The following CFTR variants were observed in gnomAD, a reference collection of about 807,000 sequenced individuals.
CFTR encodes the protein cystic fibrosis transmembrane conductance regulator.
A neutral mutation model predicts 171.6 loss-of-function variants in CFTR; 181 were observed. The ratio of observed to expected loss-of-function variants is 1.05; its 90% CI spans 0.93 to 1.19. The LOEUF (loss-of-function observed/expected upper bound fraction) is 1.19, where lower values mean the gene tolerates loss of function less well. Among genes scored for constraint, CFTR ranks in the 50% most tolerant of loss-of-function variants. The pLI is 0.00. For missense variants in CFTR, 1,968 were observed against 1,734.7 expected (o/e 1.13, Z -2.39); for synonymous variants, 583 against 608.0 (o/e 0.96, Z 0.60).
At chr7:117,514,450 T>A (rs1488032501) in intron 3 of CFTR, among the ~76,000 whole-genome samples, 1 of 152,158 alleles carries the variant, frequency 6.6e-6, no homozygotes, top group Non-Finnish European at 1.5e-5. Flanking sequence ...AGGATGATAG[T>A]TTCCAGCTTC....
intron 23 of CFTR, among the ~76,000 whole-genome samples, chr7:117,643,701 T>C (rs898920266): frequency 2.0e-5 from 3 of 152,162 alleles, no homozygotes; most frequent in Admixed American, 6.6e-5. Flanking sequence ...CCCAAGGTGA[T>C]AGCATTAGGC....
intron 1 of CFTR, among the ~76,000 whole-genome samples, chr7:117,501,397 A>C (rs1227050717): frequency 6.6e-6 from 1 of 152,048 alleles, no homozygotes; most frequent in Non-Finnish European, 1.5e-5. Flanking sequence ...ATTATTAAAA[A>C]TTAAATTATT....
chr7:117,565,242 A>T (rs1791580766), intron 11 of CFTR, among the ~76,000 whole-genome samples: 1 of 152,214 alleles, frequency 6.6e-6, no homozygotes, highest in Admixed American at 6.5e-5. Context: ...GGAGAAATCA[A>T]CGCAATTAAG....
intron 15 of CFTR, among the ~76,000 whole-genome samples, chr7:117,596,594 A>G (rs1431416513): frequency 6.6e-6 from 1 of 152,222 alleles, no homozygotes; most frequent in Non-Finnish European, 1.5e-5. Context: ...GGGGACTTGG[A>G]GGATCTTTAT....
chr7:117,563,151 G>A (rs545813097), intron 11 of CFTR, among the ~76,000 whole-genome samples: 7 of 152,282 alleles, frequency 4.6e-5, no homozygotes, highest in South Asian at 2.1e-4. Flanking sequence ...GCTGGCAGAC[G>A]TAGGTTACTG....
chr7:117,563,762 T>C (rs1388638435), intron 11 of CFTR, among the ~76,000 whole-genome samples: 4 of 152,170 alleles, frequency 2.6e-5, no homozygotes, highest in Non-Finnish European at 4.4e-5. Flanking sequence ...AAATAAACAA[T>C]TTATGCTTCT....
intron 1 of CFTR, among the ~76,000 whole-genome samples, chr7:117,488,226 T>C (rs572361258): frequency 4.6e-5 from 7 of 152,300 alleles, no homozygotes; most frequent in African/African-American, 1.7e-4. Flanking sequence ...CATTAAAATT[T>C]GAATTTCATA....
intron 3 of CFTR, among the ~76,000 whole-genome samples, chr7:117,522,292 T>G (rs1798696866): frequency 6.6e-6 from 1 of 152,226 alleles, no homozygotes; most frequent in South Asian, 2.1e-4. Flanking sequence ...CTCTGCAGAC[T>G]CAGATCATAT....
rs1360070384 is a variant in CFTR, at chr7:117,559,632, A to C, written c.1561A>C (p.Ile521Leu). ...TGATGAATATAGATACAGAAGCGTC[A>C]TCAAAGCATGCCAACTAGAAGAGGT... ...SYDEYRYRSV[I>L]KACQLEEDIS... Residue 521 changes from isoleucine (I) to leucine (L), a missense_variant, in exon 11 of 27, where the codon ATC becomes CTC. By Grantham distance (5) the Ile-to-Leu change is conservative (BLOSUM62 2). Transcript: ENST00000003084. 9 of 1,613,218 alleles carry C rather than the reference A, an allele frequency of 5.6e-6. No individual in the cohort carries two copies. Among genetic ancestry groups the C allele is most frequent in the African/African-American group, 1.3e-5 (1 of 74,914 alleles).
At chr7:117,561,375 TTAGCA>T (rs1799461410) in intron 11 of CFTR, among the ~76,000 whole-genome samples, 1 of 152,138 alleles carries the variant, frequency 6.6e-6, no homozygotes, top group South Asian at 2.1e-4. Flanking sequence ...CAGTGTTTTT[TTAGCA>T]TATTCACAGG....
Position 117,627,566 on chromosome 7 carries a change from A to G in CFTR, c.3513A>G (p.Thr1171=). The part of the protein sequence containing the change: ...SRVFKFIDMP[T]EGKPTKSTKP... ...TCTTTAAGTTCATTGACATGCCAAC[A>G]GAAGGTAAACCTACCAAGTCAACCA... is the stretch of plus-strand genomic sequence containing the variant. Residue 1171 remains threonine, a synonymous_variant, in exon 22 of 27, where the codon ACA becomes ACG. Transcript: ENST00000003084. 1 of 1,613,340 alleles carries G rather than the reference A, an allele frequency of 6.2e-7. No homozygotes were observed.
At chr7:117,638,465 T>C (rs1584834701) in intron 22 of CFTR, among the ~76,000 whole-genome samples, 1 of 152,164 alleles carries the variant, frequency 6.6e-6, no homozygotes, top group East Asian at 1.9e-4. Flanking sequence ...AAAATGTCGT[T>C]CTGCTCACGC....
intron 1 of CFTR, among the ~76,000 whole-genome samples, chr7:117,503,849 A>G (rs903096189): frequency 6.6e-6 from 1 of 152,246 alleles, no homozygotes; most frequent in Non-Finnish European, 1.5e-5. Flanking sequence ...GATTAAGTGC[A>G]TGTCTTATTC....
intron 11 of CFTR, among the ~76,000 whole-genome samples, chr7:117,563,021 G>A (rs1287989829): frequency 3.9e-5 from 6 of 152,078 alleles, no homozygotes; most frequent in South Asian, 2.1e-4. Flanking sequence ...CTTTCATCAG[G>A]GGAATGATGT....
intron 3 of CFTR, among the ~76,000 whole-genome samples, chr7:117,523,374 G>GTT (rs1205226439): frequency 7.2e-6 from 1 of 139,578 alleles, no homozygotes; most frequent in African/African-American, 2.6e-5. Flanking sequence ...GTTTTGTTTT[G>GTT]TTTTTTGTTT....
intron 20 of CFTR, among the ~76,000 whole-genome samples, chr7:117,612,021 ATG>A (rs1554392344): frequency 0.11 from 5,565 of 52,086 alleles, 427 homozygotes; most frequent in African/African-American, 0.25. Flanking sequence ...ATATATATAT[ATG>A]TATATATATA....
intron 11 of CFTR, among the ~76,000 whole-genome samples, chr7:117,569,595 C>T (rs918037452): frequency 6.6e-6 from 1 of 152,068 alleles, no homozygotes; most frequent in Non-Finnish European, 1.5e-5. Flanking sequence ...GACTAAATAA[C>T]AGTATGAGGG....
At chr7:117,585,575 G>A (rs989212770) in intron 11 of CFTR, among the ~76,000 whole-genome samples, 1 of 152,012 alleles carries the variant, frequency 6.6e-6, no homozygotes, top group Non-Finnish European at 1.5e-5. Context: ...TTCATACAAG[G>A]CAAAAGCAAA....
Position 117,612,414 on chromosome 7 carries a change from G to A in CFTR, c.3367+606G>A, listed in dbSNP as rs190694810. ...GAAAAAGAAGAAAAGAAAGTGCCATGTTTTTCAAATACAAATGTTCTGGAT... is the reference window on the plus strand; with the variant it reads ...GAAAAAGAAGAAAAGAAAGTGCCATATTTTTCAAATACAAATGTTCTGGAT... On this transcript the variant is annotated intron_variant, in intron 20 of 26. Transcript: ENST00000003084. 1.2e-4 allele frequency among the ~76,000 whole-genome samples: 18 copies of A among 152,050 alleles called. 1 individual carries two copies. The highest frequency in any genetic ancestry group is 3.9e-4 in the Admixed American group (6 of 15,244).
Sources: allele counts gnomAD v4.1 joint callset (sites outside exome capture counted in the v4.1 genomes callset), GRCh38; gene constraint gnomAD v4.1.1; transcripts MANE v1.5; gene names NCBI Gene and HGNC (gene_info 2026-07-23, HGNC 2026-07-21).